The following IRF6 variants were observed in gnomAD, a reference collection of about 807,000 sequenced individuals.
IRF6 encodes the protein interferon regulatory factor 6.
In IRF6, 6 loss-of-function variants were observed where a neutral mutation model predicts 51.4. That is an observed-to-expected ratio of 0.12 (90% CI 0.06 to 0.23). The LOEUF is 0.23. IRF6 is among the 10% of genes least tolerant of loss of function. The pLI is 1.00. For synonymous variants in IRF6, 178 were observed against 215.7 expected (o/e 0.83, Z 1.53); for missense variants, 348 against 585.2 (o/e 0.59, Z 4.18).
At position 209,788,297 on chromosome 1, in the gene IRF6, G is replaced by A; in HGVS notation, c.*123C>T. ...AGCTTTAAATCTAGGCATATTTGGAGAATCACAAACTTCTAACACTGTTAG... is the reference window on the plus strand; with the variant it reads ...AGCTTTAAATCTAGGCATATTTGGAAAATCACAAACTTCTAACACTGTTAG... On this transcript the variant is annotated 3_prime_UTR_variant, in exon 9 of 9. Coordinates refer to ENST00000367021, the MANE Select transcript of IRF6 (RefSeq NM_006147.4). The A allele has an allele frequency of 1.5e-6, 1 of 685,446 alleles. No homozygotes were observed. The highest frequency in any genetic ancestry group is 2.5e-6 in the Non-Finnish European group (1 of 404,792). The allele number at this position is 685,446 out of a possible 1,614,324, so 42.5% of individuals were successfully genotyped here. A position where few individuals can be genotyped will look rare whatever the true frequency, so the allele number is the denominator to read the frequency against.
intron 3 of IRF6, 54 bp downstream of exon 3, chr1:209,801,186 A>C: frequency 3.9e-5 from 33 of 849,022 alleles, no homozygotes; most frequent in Non-Finnish European, 4.7e-5. Flanking sequence ...CCCATGCCAA[A>C]AAAAAAAAAA....
Position 209,796,397 on chromosome 1 carries a change from T to A in IRF6, c.330A>T (p.Ile110=), listed in dbSNP as rs1420654413. The change falls in exon 4 of 9, where the codon ATA becomes ATT. Residue 110 remains isoleucine (I), a synonymous_variant. Coordinates refer to ENST00000367021, the MANE Select transcript of IRF6 (RefSeq NM_006147.4). The surrounding 1 kb of genome is among the most constrained non-coding windows in gnomAD (Gnocchi z 4.5). ...GCTGAGGGATGTCACACACTTGATA[T>A]ATCTTCACTGGGTTCATGGGCACCT... ...TKEVPMNPVK[I]YQVCDIPQPQ... 1.9e-6 allele frequency: 3 copies of A among 1,614,182 alleles called. No homozygotes were observed. The highest frequency in any genetic ancestry group is 2.5e-6 in the Non-Finnish European group (3 of 1,180,032).
At chr1:209,792,943 A>G (rs1414256639) in intron 5 of IRF6, among the ~76,000 whole-genome samples, 1 of 152,258 alleles carries the variant, frequency 6.6e-6, no homozygotes, top group East Asian at 1.9e-4. Flanking sequence ...TGAAAGGTTC[A>G]GGGACAGGAT....
intron 2 of IRF6, among the ~76,000 whole-genome samples, chr1:209,801,719 G>A (rs1276499458): frequency 6.6e-6 from 1 of 152,192 alleles, no homozygotes; most frequent in Non-Finnish European, 1.5e-5. Flanking sequence ...TCATCCTGCT[G>A]GAACACAGTC....
chr1:209,788,680 G>A (rs949053973), intron 8 of IRF6, 36 bp from the exon 9 acceptor site: 2 of 1,558,702 alleles, frequency 1.3e-6, no homozygotes, highest in African/African-American at 1.4e-5. Flanking sequence ...TATCCTCTGA[G>A]GAAAAGGTAT....
chr1:209,799,757 T>C (rs560015510), intron 3 of IRF6, among the ~76,000 whole-genome samples: 5 of 152,394 alleles, frequency 3.3e-5, no homozygotes, highest in Non-Finnish European at 5.9e-5. Context: ...TGGGCCAAGA[T>C]GGGCCCGTGC....
In IRF6 at chr1:209,787,977, G is replaced by T; in HGVS notation, c.*443C>A. ...ATGTGGTACAAGAACAATGCAGAAGGATTCTGTTCCAGGCAGTTTAGCCTT... is the reference window on the plus strand; with the variant it reads ...ATGTGGTACAAGAACAATGCAGAAGTATTCTGTTCCAGGCAGTTTAGCCTT... On this transcript the variant is annotated 3_prime_UTR_variant, in exon 9 of 9. Coordinates refer to ENST00000367021, the MANE Select transcript of IRF6 (RefSeq NM_006147.4). 1 of 204,262 alleles carries T rather than the reference G, an allele frequency of 4.9e-6. No individual in the cohort carries two copies. 12.7% of individuals were successfully genotyped at this position (204,262 alleles called of 1,614,324 possible).
In IRF6 at chr1:209,789,890, G is replaced by T. The variant is rs929051378; in HGVS notation, c.1061-105C>A. The T allele has an allele frequency of 1.3e-5, 10 of 781,010 alleles. No individual in the cohort carries two copies. In the African/African-American group the frequency reaches 1.5e-4, roughly 12 times the overall value. 48.4% of individuals were successfully genotyped at this position (781,010 alleles called of 1,614,324 possible). ...ATTACAATAGCCACTAGCCACATGT[G>T]CTCACTAGTTTTAAATTAATTAAAC... On this transcript the variant is annotated intron_variant, in intron 7 of 8. Coordinates refer to ENST00000367021, the MANE Select transcript of IRF6 (RefSeq NM_006147.4).
rs2077894866 is a variant in IRF6, at chr1:209,795,401, G to A, written c.397C>T (p.Pro133Ser). ...IINPGSTGSA[P>S]WDEKDNDVDE... ...ACATCATTATCCTTCTCATCCCAGG[G>A]AGCAGACCCTGTGGATCCTACCCAA... The change falls in exon 5 of 9, where the codon CCC becomes TCC. Residue 133 changes from proline to serine, a missense_variant. Transcript: ENST00000367021. 6.2e-7 allele frequency: 1 copy of A among 1,614,102 alleles called. No homozygotes were observed. The highest frequency in any genetic ancestry group is 8.5e-7 in the Non-Finnish European group (1 of 1,180,016).
In IRF6 at chr1:209,788,509, G is replaced by A. The variant is rs1286939391; in HGVS notation, c.1315C>T (p.Leu439=). The A allele has an allele frequency of 2.5e-6, 4 of 1,614,188 alleles. No individual in the cohort carries two copies. The highest frequency in any genetic ancestry group is 3.4e-6 in the Non-Finnish European group (4 of 1,180,032). ...TCCTGGGTTTGAAGGATGCGGTACA[G>A]CTGCTTCAGCTGAGCAACGATGTTA... ...KDNIVAQLKQ[L]YRILQTQESW... Residue 439 remains leucine, a synonymous_variant, in exon 9 of 9, where the codon CTG becomes TTG. Coordinates refer to ENST00000367021, the MANE Select transcript of IRF6 (RefSeq NM_006147.4).
In IRF6 at chr1:209,798,908, C is replaced by CAAAAA. The variant is rs61182544; in HGVS notation, c.174+2327_174+2331dup. Among the ~76,000 whole-genome samples, 19 of 99,076 alleles carry CAAAAA rather than the reference C, an allele frequency of 1.9e-4. No individual in the cohort carries two copies. In the East Asian group the frequency reaches 2.4e-3, roughly 13 times the overall value. 65.0% of individuals were successfully genotyped at this position (99,076 alleles called of 152,430 possible). A position where few individuals can be genotyped will look rare whatever the true frequency, so the allele number is the denominator to read the frequency against. ...TGGGTGACAGAGCAAGACTCTGTCT[C>CAAAAA]AAAAAAAAAAAAAAAAAAAAAAAGA... On this transcript the variant is annotated intron_variant, in intron 3 of 8. Coordinates refer to ENST00000367021, the MANE Select transcript of IRF6 (RefSeq NM_006147.4).
In IRF6 at chr1:209,790,990, C is replaced by T; in HGVS notation, c.668-103G>A. On this transcript the variant is annotated intron_variant, in intron 6 of 8. Coordinates refer to ENST00000367021, the MANE Select transcript of IRF6 (RefSeq NM_006147.4). The surrounding 1 kb of genome is among the most constrained non-coding windows in gnomAD (Gnocchi z 4.8). The stretch of plus-strand genomic sequence containing the variant: ...TAAGATCAAGCCACCTTTCAACCAG[C>T]ATTCAGGAAGGCCACTGCCATAGTT... 1 of 1,598,472 alleles carries T rather than the reference C, an allele frequency of 6.3e-7. No individual in the cohort carries two copies. Among genetic ancestry groups the T allele is most frequent in the Non-Finnish European group, 8.5e-7 (1 of 1,177,694 alleles).
At position 209,788,564 on chromosome 1, in the gene IRF6, G is replaced by A. The variant is rs2077848447; in HGVS notation, c.1260C>T (p.Arg420=). The A allele has an allele frequency of 6.2e-7, 1 of 1,613,982 alleles. No individual in the cohort carries two copies. The highest frequency in any genetic ancestry group is 1.7e-5 in the Admixed American group (1 of 60,006). ...FTRSFDSGSV[R]LQISTPDIKD... ...TGATGTCTGGGGTTGAGATCTGCAG[G>A]CGGACACTGCCACTATCAAAGGATC... The change falls in exon 9 of 9, where the codon CGC becomes CGT. Residue 420 remains arginine, a synonymous_variant. Transcript: ENST00000367021.
intron 5 of IRF6, among the ~76,000 whole-genome samples, chr1:209,794,675 G>A (rs1042760268): frequency 6.6e-6 from 1 of 152,222 alleles, no homozygotes; most frequent in Admixed American, 6.5e-5. Context: ...TTCAACGTGT[G>A]TTCAAGTATC....
At chr1:209,797,688 C>G (rs894842716) in intron 3 of IRF6, among the ~76,000 whole-genome samples, 1 of 152,154 alleles carries the variant, frequency 6.6e-6, no homozygotes, top group South Asian at 2.1e-4. Context: ...AAATCTAAGC[C>G]GCTCAAGTCA....
Position 209,795,275 on chromosome 1 carries a change from A to C in IRF6, c.508+15T>G. On this transcript the variant is annotated intron_variant, in intron 5 of 8. Coordinates refer to ENST00000367021, the MANE Select transcript of IRF6 (RefSeq NM_006147.4). ...TCCTCCATATGTCTCTGTACCACCC[A>C]TCATCCCCACTCACCATTGATGTTC... 1.2e-6 allele frequency: 2 copies of C among 1,614,064 alleles called. No homozygotes were observed. The highest frequency in any genetic ancestry group is 8.5e-7 in the Non-Finnish European group (1 of 1,179,990).
At chr1:209,805,122 C>T (rs2077965911) in intron 1 of IRF6, among the ~76,000 whole-genome samples, 1 of 129,004 alleles carries the variant, frequency 7.8e-6, no homozygotes, top group Non-Finnish European at 1.8e-5. Context: ...AAACCACACT[C>T]CTGGGTCAAC....
chr1:209,794,496 A>C (rs557993513), intron 5 of IRF6, among the ~76,000 whole-genome samples: 156 of 152,306 alleles, frequency 1.0e-3, no homozygotes, highest in Non-Finnish European at 2.1e-3. Flanking sequence ...ATACTAAATA[A>C]ATCATCTTGT....
At chr1:209,794,946 C>T (rs552661939) in intron 5 of IRF6, among the ~76,000 whole-genome samples, 1 of 152,198 alleles carries the variant, frequency 6.6e-6, no homozygotes, top group South Asian at 2.1e-4. Flanking sequence ...GCCCGTAACT[C>T]GAAAAAATGA....
Sources: allele counts gnomAD v4.1 joint callset (sites outside exome capture counted in the v4.1 genomes callset), GRCh38; gene constraint gnomAD v4.1.1; non-coding constraint Gnocchi (gnomAD v3.1); transcripts MANE v1.5; gene names NCBI Gene and HGNC (gene_info 2026-07-23, HGNC 2026-07-21).